Variants in SFMBT2 observed in about 807,000 individuals in gnomAD.
SFMBT2 encodes Scm like with four mbt domains 2, also known as scm-like with four MBT domains protein 2.
Under a neutral mutation model 110.1 loss-of-function variants are expected in SFMBT2, and 38 were observed. The observed-to-expected ratio is 0.35, with a 90% confidence interval of 0.27 to 0.45. The LOEUF (loss-of-function observed/expected upper bound fraction) is 0.45, where lower values mean the gene tolerates loss of function less well. Ranked by LOEUF, SFMBT2 falls within the 20% of genes least tolerant of loss-of-function variation. The probability of loss-of-function intolerance (pLI) is 1.00; values close to 1 mark genes in which losing one functional copy is unlikely to be tolerated. For missense variants in SFMBT2, 1,011 were observed against 1,094.9 expected, an observed-to-expected ratio of 0.92 and a Z score of 1.08; for synonymous variants, 425 against 425.4, an observed-to-expected ratio of 1.00 and a Z score of 0.01.
At chr10:7,243,293 A>G (rs1840493736) in intron 9 of SFMBT2, among the ~76,000 whole-genome samples, 1 of 152,224 alleles carries the variant, frequency 6.6e-6, no homozygotes, top group African/African-American at 2.4e-5. Context: ...CTCTAAGTCT[A>G]CACAATAGCA....
chr10:7,250,884 T>C (rs952558105), intron 7 of SFMBT2, among the ~76,000 whole-genome samples: 1 of 152,174 alleles, frequency 6.6e-6, no homozygotes, highest in Admixed American at 6.5e-5. Flanking sequence ...AAGGCTACTG[T>C]ACAGAGAGCG....
intron 4 of SFMBT2, among the ~76,000 whole-genome samples, chr10:7,365,706 T>C (rs1243210900): frequency 6.6e-6 from 1 of 152,082 alleles, no homozygotes; most frequent in Non-Finnish European, 1.5e-5. Context: ...ACACTATGCT[T>C]AAGAGAATAA....
In SFMBT2 at chr10:7,197,578, T is replaced by A. The variant is rs1481142597; in HGVS notation, c.1668A>T (p.Gly556=). Residue 556 remains glycine, a synonymous_variant, in exon 15 of 21, where the codon GGA becomes GGT. Transcript: ENST00000397167. ...GRIAELPQSV[G]PGKCVLVLKE... ...TAAGAACCAGCACGCATTTGCCCGG[T>A]CCCACCGACTGAGGTAGCTCTGCAA... 1 of 1,614,176 alleles carries A rather than the reference T, an allele frequency of 6.2e-7. No individual in the cohort carries two copies. The highest frequency in any genetic ancestry group is 1.7e-5 in the Admixed American group (1 of 60,008).
intron 7 of SFMBT2, among the ~76,000 whole-genome samples, chr10:7,270,211 G>C (rs1314709677): frequency 6.6e-6 from 1 of 152,158 alleles, no homozygotes; most frequent in Non-Finnish European, 1.5e-5. Context: ...AACCGAGGGA[G>C]GTGGCCACAG....
In SFMBT2 at chr10:7,172,130, A is replaced by G. The variant is rs1467245547; in HGVS notation, c.2180T>C (p.Met727Thr). ...EESEEEDADA[M>T]DDDTASEETG... ...CTCCTCACTGGCGGTGTCATCGTCC[A>G]TGGCGTCAGCGTCCTCCTCTTCACT... The change falls in exon 19 of 21, where the codon ATG (methionine) becomes ACG (threonine). Residue 727 changes from methionine (M) to threonine (T), a missense_variant. Physicochemically the swap from Met to Thr is moderately conservative, Grantham distance 81 (BLOSUM62 -1). Transcript: ENST00000397167. The surrounding 1 kb of genome is among the most constrained non-coding windows in gnomAD (Gnocchi z 4.6). The G allele has an allele frequency of 1.3e-6, 2 of 1,574,018 alleles. No individual in the cohort carries two copies. Among genetic ancestry groups the G allele is most frequent in the African/African-American group, 1.4e-5 (1 of 73,212 alleles).
intron 15 of SFMBT2, among the ~76,000 whole-genome samples, chr10:7,196,775 G>A (rs957870980): frequency 3.9e-5 from 6 of 152,176 alleles, no homozygotes; most frequent in Admixed American, 2.0e-4. Context: ...GAGAAAGTAC[G>A]GATACGTGTA....
At position 7,233,484 on chromosome 10, in the gene SFMBT2, T is replaced by G. The variant is rs115498443; in HGVS notation, c.1121-5547A>C. Among the ~76,000 whole-genome samples, 645 of 152,298 alleles carry G rather than the reference T, an allele frequency of 4.2e-3. 5 individuals are homozygous for G. Among genetic ancestry groups the G allele is most frequent in the African/African-American group, 0.015 (615 of 41,548 alleles). On this transcript the variant is annotated intron_variant, in intron 9 of 20. Transcript: ENST00000397167. ...TCACCCCAGAGAATGTTTACTCTAT[T>G]AAATGTTAGAAGAGCATGTGTAAAT...
In SFMBT2 at chr10:7,249,575, G is replaced by A. The variant is rs935422421; in HGVS notation, c.871-926C>T. On this transcript the variant is annotated intron_variant, in intron 7 of 20. Coordinates refer to ENST00000397167, the MANE Select transcript of SFMBT2 (RefSeq NM_001387889.1). ...TGGGTGTGAAGTACAAAAATATCTG[G>A]GGACCTGTTACTTTCTTTTACCTGC... 8 of 984,836 alleles carry A rather than the reference G, an allele frequency of 8.1e-6. No individual in the cohort carries two copies. In the Admixed American group the frequency reaches 4.9e-4, roughly 61 times the overall value. 61.0% of individuals were successfully genotyped at this position (984,836 alleles called of 1,614,324 possible).
intron 15 of SFMBT2, among the ~76,000 whole-genome samples, chr10:7,196,186 A>G (rs1372493804): frequency 1.3e-5 from 2 of 152,140 alleles, no homozygotes; most frequent in Non-Finnish European, 2.9e-5. Context: ...AATCACTTAA[A>G]ATATCAGAGA....
chr10:7,255,545 A>T (rs1408947633), intron 7 of SFMBT2, among the ~76,000 whole-genome samples: 2 of 152,204 alleles, frequency 1.3e-5, no homozygotes, highest in African/African-American at 2.4e-5. Context: ...TTTTTGCCCT[A>T]AAGTAGTTTT....
chr10:7,298,318 A>T (rs1037072483), intron 4 of SFMBT2, among the ~76,000 whole-genome samples: 1 of 152,136 alleles, frequency 6.6e-6, no homozygotes, highest in Admixed American at 6.5e-5. Context: ...CCCCCTAGAC[A>T]GACTGAGACC....
chr10:7,312,331 CA>C (rs1409507733), intron 4 of SFMBT2, among the ~76,000 whole-genome samples: 1 of 152,172 alleles, frequency 6.6e-6, no homozygotes, highest in Non-Finnish European at 1.5e-5. Flanking sequence ...GGCCACCACC[CA>C]ACGCAGCCAA....
chr10:7,342,510 G>T (rs954090977), intron 4 of SFMBT2, among the ~76,000 whole-genome samples: 1 of 144,096 alleles, frequency 6.9e-6, no homozygotes, highest in East Asian at 2.1e-4. Flanking sequence ...CCGGGTTCAT[G>T]CCATTCTCCT....
rs2692756 is a variant in SFMBT2, at chr10:7,163,755, C to G, written c.*15G>C. On this transcript the variant is annotated 3_prime_UTR_variant, in exon 21 of 21. Transcript: ENST00000397167. This position sits in a 1 kb window ranked among gnomAD's most constrained non-coding sequence, Gnocchi z 4.8. The stretch of plus-strand genomic sequence containing the variant: ...CCGCATCCCAGCAATAATGGGCCAC[C>G]TCCCGAGGGCAGACTCAGTTGGCGT... 139,180 of 1,610,360 alleles carry G rather than the reference C, an allele frequency of 0.086. 6,617 individuals carry two copies. Among genetic ancestry groups the G allele is most frequent in the Middle Eastern group, 0.13 (776 of 6,030 alleles).
intron 4 of SFMBT2, among the ~76,000 whole-genome samples, chr10:7,359,215 C>T (rs1038726330): frequency 2.6e-5 from 4 of 152,214 alleles, no homozygotes; most frequent in Non-Finnish European, 5.9e-5. Context: ...ACCCAAGGAT[C>T]ATTCAGGACG....
intron 2 of SFMBT2, among the ~76,000 whole-genome samples, chr10:7,380,826 G>A (rs1362029792): frequency 6.6e-6 from 1 of 152,062 alleles, no homozygotes; most frequent in Non-Finnish European, 1.5e-5. Context: ...AAGGCAGGAG[G>A]ATCACTTGAG....
At chr10:7,164,781 ACACACACAC>A (rs1432028170) in intron 20 of SFMBT2, among the ~76,000 whole-genome samples, 1 of 146,992 alleles carries the variant, frequency 6.8e-6, no homozygotes, top group Non-Finnish European at 1.5e-5. Flanking sequence ...ACACACACAC[ACACACACAC>A]ACCATTTACA....
In SFMBT2 at chr10:7,301,280, T is replaced by C. The variant is rs1842549064; in HGVS notation, c.437-15326A>G. 1.3e-5 allele frequency among the ~76,000 whole-genome samples: 2 copies of C among 152,194 alleles called. No homozygotes were observed. The highest frequency in any genetic ancestry group is 4.1e-4 in the South Asian group (2 of 4,830). On this transcript the variant is annotated intron_variant, in intron 4 of 20. Transcript: ENST00000397167. The surrounding 1 kb of genome is among the most constrained non-coding windows in gnomAD (Gnocchi z 4.2). Reference sequence around the variant, plus strand: ...TCATGTGCAAATCAGCGTGAGACACTAGTAACTAGCAAGACACTATGGACT... The same window carrying C: ...TCATGTGCAAATCAGCGTGAGACACCAGTAACTAGCAAGACACTATGGACT...
intron 2 of SFMBT2, among the ~76,000 whole-genome samples, chr10:7,376,236 T>A (rs1446953806): frequency 6.6e-6 from 1 of 152,130 alleles, no homozygotes; most frequent in Non-Finnish European, 1.5e-5. Context: ...TGGTGTCCCC[T>A]GGGATGATGC....
Sources: gnomAD v4.1 joint callset for allele counts (sites outside exome capture counted in the v4.1 genomes callset) on GRCh38, gnomAD v4.1.1 for gene constraint, Gnocchi (gnomAD v3.1) non-coding constraint, MANE v1.5 for transcripts, NCBI Gene and HGNC (gene_info 2026-07-23, HGNC 2026-07-21) for gene names.